Variants in BIN2 observed in about 807,000 individuals in gnomAD.
BIN2 encodes the protein breast cancer associated protein BRAP1.
BIN2 carries 43 observed loss-of-function variants against 67.9 expected under a neutral mutation model. The observed-to-expected ratio is 0.63, with a 90% CI of 0.50 to 0.82. BIN2 has a LOEUF of 0.82. BIN2 is among the 40% of genes least tolerant of loss of function. The pLI, the probability that BIN2 is intolerant of heterozygous loss-of-function variation, is 0.00. For synonymous variants in BIN2, 244 were observed against 246.8 expected, an observed-to-expected ratio of 0.99 and a Z score of 0.11; for missense variants, 581 against 671.6, an observed-to-expected ratio of 0.87 and a Z score of 1.49.
At position 51,295,784 on chromosome 12, in the gene BIN2, GA is replaced by G. The variant is rs555906994; in HGVS notation, c.761+11del. 593 of 1,611,500 alleles carry G rather than the reference GA, an allele frequency of 3.7e-4. No individual in the cohort carries two copies. In the African/African-American group the frequency reaches 7.5e-3, roughly 20 times the overall value. On this transcript the variant is annotated intron_variant, in intron 9 of 12. Transcript: ENST00000615107. The stretch of plus-strand genomic sequence containing the variant: ...GGACAAGCGAAGCAAAAAAGTCTTG[GA>G]TGCTGCTCACCTTGACAGTCCCTTC...
chr12:51,292,118 A>G lies in BIN2; in HGVS notation c.988T>C (p.Ser330Pro). ...EIEKEGSEASSSEEDEPLPAC... is the reference protein window; with the variant it reads ...EIEKEGSEASPSEEDEPLPAC... ...GGTAGAGGCTCATCTTCCTCAGAGG[A>G]GCTTGCTTCAGATCCTTCCTTCTCT... is the stretch of plus-strand genomic sequence containing the variant. The change falls in exon 10 of 13, where the codon TCC becomes CCC. Residue 330 changes from serine to proline, a missense_variant. Physicochemically the swap from Ser to Pro is moderately conservative, Grantham distance 74 (BLOSUM62 -1). Transcript: ENST00000615107. 1 of 1,613,990 alleles carries G rather than the reference A, an allele frequency of 6.2e-7. No individual in the cohort carries two copies. The highest frequency in any genetic ancestry group is 8.5e-7 in the Non-Finnish European group (1 of 1,179,990).
chr12:51,312,019 G>A (rs575161543), intron 2 of BIN2, among the ~76,000 whole-genome samples: 3 of 152,222 alleles, frequency 2.0e-5, no homozygotes, highest in African/African-American at 7.2e-5. Flanking sequence ...TGATCTGCCC[G>A]CCTCGGCCTC....
chr12:51,324,534 TTCTC>T (rs1946381760), upstream of BIN2: 1 of 1,530,632 alleles, frequency 6.5e-7, no homozygotes, highest in African/African-American at 1.4e-5. Flanking sequence ...CACGTTTAGG[TTCTC>T]TGAGTATGCA....
rs1240513659 is a variant in BIN2 at position 51,323,923 on chromosome 12, G to A, written c.81+99C>T. 1.1e-5 allele frequency: 16 copies of A among 1,472,930 alleles called. No individual in the cohort carries two copies. The African/African-American group carries it at 1.1e-4, about 11-fold the overall frequency. The allele number at this position is 1,472,930 out of a possible 1,614,324, so 91.2% of individuals were successfully genotyped here. ...CCTTCTCGTCAGCCCAGACCCTTCG[G>A]GGCCCCTGAGCACCCTGCCCGCCCC... On this transcript the variant is annotated intron_variant, in intron 1 of 12. Transcript: ENST00000615107.
At chr12:51,312,739 T>C (rs1946025062) in intron 2 of BIN2, among the ~76,000 whole-genome samples, 1 of 152,164 alleles carries the variant, frequency 6.6e-6, no homozygotes, top group East Asian at 1.9e-4. Context: ...GTTCATCAGA[T>C]CTAAGATGGT....
chr12:51,323,959 C>CCGGGCT, intron 1 of BIN2, 63 bp downstream of exon 1: 5 of 1,590,152 alleles, frequency 3.1e-6, no homozygotes, highest in Non-Finnish European at 4.3e-6. Flanking sequence ...TCCTGCCCGG[C>CCGGGCT]CGGGCTCGGC....
Position 51,310,770 on chromosome 12 carries a change from C to CT in BIN2, c.162+3052dup, listed in dbSNP as rs199699872. 3.9e-3 allele frequency among the ~76,000 whole-genome samples: 595 copies of CT among 151,690 alleles called. 1 individual carries two copies. Among genetic ancestry groups the CT allele is most frequent in the African/African-American group, 0.014 (571 of 41,384 alleles). On this transcript the variant is annotated intron_variant, in intron 2 of 12. Transcript: ENST00000615107. ...GTTTTGTTTATATTGTTTTCTTTTC[C>CT]TTTTTTTTGAGATAGGGTCTCACTT...
At chr12:51,302,136 C>G in intron 4 of BIN2, 21 bp from the exon 5 acceptor site, 1 of 1,557,500 alleles carries the variant, frequency 6.4e-7, no homozygotes, top group Non-Finnish European at 8.8e-7. Context: ...GAGTCAGAGG[C>G]TGGTGAAGGC....
rs749645268 is a variant in BIN2, at chr12:51,313,822, C to T, written c.162+1G>A. ...CTTCCCTCCCCTACCCTCCAGATTA[C>T]CTGTTGTTGGTAGAAGTTGCTAGCG... On this transcript the variant is annotated splice_donor_variant, in intron 2 of 12. Coordinates refer to ENST00000615107, the MANE Select transcript of BIN2 (RefSeq NM_016293.4). LOFTEE classifies it high-confidence loss of function. 6.2e-7 allele frequency: 1 copy of T among 1,611,858 alleles called. No individual in the cohort carries two copies. The highest frequency in any genetic ancestry group is 1.3e-5 in the African/African-American group (1 of 74,948).
chr12:51,313,228 A>AGGCAGGC (rs1555172220), intron 2 of BIN2, among the ~76,000 whole-genome samples: 3 of 139,658 alleles, frequency 2.1e-5, no homozygotes, highest in East Asian at 2.4e-4. Flanking sequence ...GGAAGGCAGG[A>AGGCAGGC]AGGCAGGCAG....
chr12:51,303,707 G>C (rs1945793350), intron 2 of BIN2, among the ~76,000 whole-genome samples: 1 of 152,066 alleles, frequency 6.6e-6, no homozygotes, highest in Admixed American at 6.6e-5. Flanking sequence ...CTTTGCTCCT[G>C]TGTCTGAAAT....
At chr12:51,315,407 C>T (rs940702904) in intron 1 of BIN2, among the ~76,000 whole-genome samples, 37 of 152,088 alleles carry the variant, frequency 2.4e-4, no homozygotes, top group Non-Finnish European at 4.9e-4. Flanking sequence ...CTCCTGACCT[C>T]GTGATCCGCC....
intron 5 of BIN2, among the ~76,000 whole-genome samples, chr12:51,300,709 A>G (rs1945699853): frequency 6.6e-6 from 1 of 152,196 alleles, no homozygotes; most frequent in African/African-American, 2.4e-5. Flanking sequence ...GATCTTAGCA[A>G]TTATCTGGTC....
chr12:51,284,666 A>G, intron 12 of BIN2, 50 bp downstream of exon 12: 2 of 1,443,912 alleles, frequency 1.4e-6, no homozygotes, highest in Non-Finnish European at 1.9e-6. Flanking sequence ...CCTTTTCCCA[A>G]ACCCCTGTCA....
chr12:51,323,320 T>G (rs913604351), intron 1 of BIN2: 1 of 151,406 alleles, frequency 6.6e-6, no homozygotes, highest in African/African-American at 2.5e-5. Flanking sequence ...CAATTTAGAT[T>G]GCCAAGCAAG....
chr12:51,319,445 C>T (rs1946213844), intron 1 of BIN2, among the ~76,000 whole-genome samples: 1 of 152,204 alleles, frequency 6.6e-6, no homozygotes, highest in Non-Finnish European at 1.5e-5. Context: ...ACGAAAGACC[C>T]TTGAGGGAAC....
chr12:51,303,107 T>C lies in BIN2; in HGVS notation c.197A>G (p.Asn66Ser). 6.2e-7 allele frequency: 1 copy of C among 1,614,204 alleles called. No individual in the cohort carries two copies. Among genetic ancestry groups the C allele is most frequent in the Non-Finnish European group, 8.5e-7 (1 of 1,180,010 alleles). The change falls in exon 3 of 13, where the codon AAC becomes AGC. Residue 66 changes from asparagine (N) to serine (S), a missense_variant. Physicochemically the swap from Asn to Ser is conservative, Grantham distance 46. Coordinates refer to ENST00000615107, the MANE Select transcript of BIN2 (RefSeq NM_016293.4). ...CCCACCTTTGACTGCACTAAGGAAGTTCTTCAGGTCCTTGTACAGCTTGTG... is the reference window on the plus strand; with the variant it reads ...CCCACCTTTGACTGCACTAAGGAAGCTCTTCAGGTCCTTGTACAGCTTGTG... Reference protein sequence around the residue: ...EGHKLYKDLKNFLSAVKVMHE... With the variant: ...EGHKLYKDLKSFLSAVKVMHE...
intron 1 of BIN2, among the ~76,000 whole-genome samples, chr12:51,316,046 A>C (rs932023873): frequency 2.0e-5 from 3 of 151,758 alleles, no homozygotes; most frequent in African/African-American, 7.2e-5. Flanking sequence ...CCATCTCTAG[A>C]AACCATCTTA....
intron 1 of BIN2, among the ~76,000 whole-genome samples, chr12:51,317,315 C>G (rs4761840): frequency 6.6e-6 from 1 of 152,118 alleles, no homozygotes; most frequent in Non-Finnish European, 1.5e-5. Flanking sequence ...TAAGACTGAT[C>G]TAGGAGAGGA....
Sources: allele counts gnomAD v4.1 joint callset (sites outside exome capture counted in the v4.1 genomes callset), GRCh38; gene constraint gnomAD v4.1.1; transcripts MANE v1.5; gene names NCBI Gene and HGNC (gene_info 2026-07-23, HGNC 2026-07-21).